The following NBPF20 variants were observed in gnomAD, a reference collection of about 807,000 sequenced individuals.
The protein encoded by NBPF20 is NBPF member 20.
Under a neutral mutation model 68.1 loss-of-function variants are expected in NBPF20, and 90 were observed. The ratio of observed to expected loss-of-function variants is 1.32; its 90% confidence interval spans 1.11 to 1.58. The LOEUF (loss-of-function observed/expected upper bound fraction) is 1.58. Ranked by LOEUF, NBPF20 falls within the 40% of genes most tolerant of loss-of-function variation. The probability of loss-of-function intolerance (pLI) is 0.00; values close to 1 mark genes in which losing one functional copy is unlikely to be tolerated. For synonymous variants in NBPF20, 290 were observed against 228.1 expected (o/e 1.27, Z -2.45); for missense variants, 816 against 601.2 (o/e 1.36, Z -3.74).
intron 137 of NBPF20, 30 bp from the exon 143 acceptor site, chr1:145,291,799 G>C (rs782348588): frequency 1.9e-6 from 3 of 1,611,670 alleles, no homozygotes; most frequent in Admixed American, 1.7e-5. Context: ...TAAAGAAGCA[G>C]CCAGGGAAAA....
the NBPF20 span, among the ~76,000 whole-genome samples, chr1:145,424,191 G>C: frequency 8.1e-5 from 12 of 149,052 alleles, no homozygotes; most frequent in Non-Finnish European, 1.5e-4. Context: ...GCCCAGGCTG[G>C]TCTGGAAATC....
At chr1:145,422,709 C>A in the NBPF20 span, among the ~76,000 whole-genome samples, 1 of 152,120 alleles carries the variant, frequency 6.6e-6, no homozygotes, top group Admixed American at 6.5e-5. Flanking sequence ...TGAATCATAG[C>A]CGGGTGGGGT....
At chr1:145,415,225 G>A in the NBPF20 span, among the ~76,000 whole-genome samples, 7 of 151,606 alleles carry the variant, frequency 4.6e-5, no homozygotes, top group African/African-American at 1.2e-4. Flanking sequence ...ATGCCTTAAA[G>A]AGCAGTATTG....
chr1:145,397,344 A>G (rs1327024351), intron 7 of NBPF20, among the ~76,000 whole-genome samples: 1 of 152,216 alleles, frequency 6.6e-6, no homozygotes, highest in African/African-American at 2.4e-5. Flanking sequence ...GAATTGTCAC[A>G]CTGCCTTCCA....
In NBPF20 at chr1:145,292,093, T is replaced by C. The variant is rs587697765; in HGVS notation, c.16697+288A>G. ...CATGACACACAGCAAACTGTGATCA[T>C]GAAAAGAGTGAGCTCAATAGTTTTC... On this transcript the variant is annotated intron_variant, in intron 137 of 137. Coordinates refer to ENST00000369373, the Ensembl canonical transcript of NBPF20. Among the ~76,000 whole-genome samples, 7 of 149,624 alleles carry C rather than the reference T, an allele frequency of 4.7e-5. No homozygotes were observed. In the East Asian group the frequency reaches 1.2e-3, roughly 25 times the overall value.
chr1:145,402,544 G>C (rs1375922572), intron 3 of NBPF20, among the ~76,000 whole-genome samples, 163 bp from the exon 9 acceptor site: 2 of 151,888 alleles, frequency 1.3e-5, no homozygotes, highest in Admixed American at 6.6e-5. Context: ...AATAGAAAAT[G>C]GTTTACAGGC....
intron 136 of NBPF20, 142 bp from the exon 142 acceptor site, chr1:145,292,631 T>G: frequency 1.4e-6 from 1 of 739,714 alleles, no homozygotes; most frequent in Middle Eastern, 3.7e-4. Flanking sequence ...TCAGGAGGCC[T>G]GAAGGCTGTT....
intron 6 of NBPF20, among the ~76,000 whole-genome samples, chr1:145,399,391 CAAA>C (rs1662405130): frequency 6.6e-6 from 1 of 152,046 alleles, no homozygotes; most frequent in Non-Finnish European, 1.5e-5. Context: ...AAAAATTGGT[CAAA>C]CAATTTTCTA....
At chr1:145,291,524 G>A (rs782635369) in exon 138 of NBPF20, 31 of 1,611,882 alleles carry the variant, frequency 1.9e-5, no homozygotes, top group Admixed American at 1.5e-4. Context: ...AGTAAGGGCT[G>A]TTTATTGTGG....
chr1:145,414,989 G>A, the NBPF20 span, among the ~76,000 whole-genome samples: 8 of 152,262 alleles, frequency 5.3e-5, no homozygotes, highest in East Asian at 3.9e-4. Context: ...GGGCCCAGGG[G>A]ACCGGCGTTC....
chr1:145,412,194 T>C, the NBPF20 span, among the ~76,000 whole-genome samples: 1 of 151,832 alleles, frequency 6.6e-6, no homozygotes, highest in African/African-American at 2.4e-5. Context: ...GAGGAGGTAC[T>C]GAATTACCTC....
intron 115 of NBPF20, among the ~76,000 whole-genome samples, 161 bp from the exon 121 acceptor site, chr1:145,309,409 G>A (rs1261449535): frequency 1.2e-3 from 23 of 19,664 alleles, no homozygotes; most frequent in Non-Finnish European, 2.1e-4. Context: ...GACAGAACAG[G>A]GCCAAATGGA....
rs1662155697 is a variant in NBPF20, at chr1:145,395,036, G to C, written c.933C>G (p.Tyr311Ter). 5.6e-6 allele frequency: 9 copies of C among 1,611,444 alleles called. No individual in the cohort carries two copies. The highest frequency in any genetic ancestry group is 4.5e-4 in the Middle Eastern group (2 of 4,456). Residue 311 changes from tyrosine to a stop codon, truncating the protein, a stop_gained, in exon 8 of 138, where the codon TAC becomes TAG. Transcript: ENST00000369373. LOFTEE classifies it high-confidence loss of function. ...CCTCTAATGAGTGAAATGTGCTGCTGTAAGACTGGTACGAGGCCAACATTT... is the reference window on the plus strand; with the variant it reads ...CCTCTAATGAGTGAAATGTGCTGCTCTAAGACTGGTACGAGGCCAACATTT...
chr1:145,291,670 G>C (rs782051852), exon 138 of NBPF20: 193 of 1,611,834 alleles, frequency 1.2e-4, no homozygotes, highest in Non-Finnish European at 1.5e-4. Flanking sequence ...GCTGGAATGA[G>C]TCAGGTAGTT....
At chr1:145,400,241 T>C in intron 6 of NBPF20, 148 bp downstream of exon 11, 13 of 1,518,984 alleles carry the variant, frequency 8.6e-6, no homozygotes, top group African/African-American at 1.4e-5. Context: ...TGACATTAGC[T>C]GAGAAGGACA....
In NBPF20 at chr1:145,292,191, C is replaced by T. The variant is rs1160248062; in HGVS notation, c.16697+190G>A. ...TTTGAAGTATGGTCAACCTATGGCA[C>T]GTTAGTAAAAGATAAGGGGAGGAAG... On this transcript the variant is annotated intron_variant, in intron 137 of 137. Transcript: ENST00000369373. 1.2e-4 allele frequency among the ~76,000 whole-genome samples: 18 copies of T among 149,808 alleles called. No individual in the cohort carries two copies. In the East Asian group the frequency reaches 1.4e-3, roughly 11 times the overall value.
intron 115 of NBPF20, among the ~76,000 whole-genome samples, chr1:145,309,522 A>G (rs1661449707): frequency 1.4e-5 from 1 of 73,300 alleles, no homozygotes; most frequent in Non-Finnish European, 2.6e-5. Context: ...AGCTCAGTGA[A>G]TTATCCAGGT....
chr1:145,423,915 C>T, the NBPF20 span, among the ~76,000 whole-genome samples: 1 of 150,984 alleles, frequency 6.6e-6, no homozygotes, highest in African/African-American at 2.4e-5. Flanking sequence ...ATACCCCAGT[C>T]TAGTAATGCT....
At chr1:145,405,216 T>G in exon 2 of NBPF20, 1 of 1,611,220 alleles carries the variant, frequency 6.2e-7, no homozygotes, top group Non-Finnish European at 8.5e-7. Flanking sequence ...TCTCGTTGAT[T>G]TCTAGAATGT....
Sources: gnomAD v4.1 joint callset for allele counts (sites outside exome capture counted in the v4.1 genomes callset) on GRCh38, gnomAD v4.1.1 for gene constraint, MANE v1.5 for transcripts, NCBI Gene and HGNC (gene_info 2026-07-23, HGNC 2026-07-21) for gene names.